The following CNTN3 variants were observed in gnomAD, a reference collection of about 807,000 sequenced individuals.
The protein encoded by CNTN3 is contactin-3.
A neutral mutation model predicts 119.1 loss-of-function variants in CNTN3; 60 were observed. The observed-to-expected ratio is 0.50, with a 90% CI of 0.41 to 0.62. CNTN3 has a LOEUF of 0.62. Ranked by LOEUF, CNTN3 falls within the 20% of genes least tolerant of loss-of-function variation. The pLI is 0.00. For missense variants in CNTN3, 1,101 were observed against 1,242.4 expected, an observed-to-expected ratio of 0.89 and a Z score of 1.71; for synonymous variants, 450 against 438.7, an observed-to-expected ratio of 1.03 and a Z score of -0.32.
rs1294791480 is a variant in CNTN3, at chr3:74,320,674, AAAC to A, written c.1668+14058_1668+14060del. Among the ~76,000 whole-genome samples, 4 of 152,312 alleles carry A rather than the reference AAAC, an allele frequency of 2.6e-5. No homozygotes were observed. The South Asian group carries it at 6.2e-4, about 24-fold the overall frequency. ...TGCAGCTTTTCAAAAAAGTAAACAA[AAAC>A]AACAACAACAAAAAATTCAGACAGA... On this transcript the variant is annotated intron_variant, in intron 13 of 22. Transcript: ENST00000263665.
chr3:74,356,728 T>G (rs925455810), intron 11 of CNTN3, among the ~76,000 whole-genome samples: 4 of 152,116 alleles, frequency 2.6e-5, no homozygotes, highest in Non-Finnish European at 4.4e-5. Flanking sequence ...AAGACCTCTG[T>G]TGGGCAGTAA....
chr3:74,463,995 A>T (rs965767396), intron 4 of CNTN3, among the ~76,000 whole-genome samples: 4 of 152,166 alleles, frequency 2.6e-5, no homozygotes, highest in Non-Finnish European at 4.4e-5. Context: ...ACCCTTTGAC[A>T]ATGTCAGTTG....
intron 1 of CNTN3, among the ~76,000 whole-genome samples, chr3:74,540,875 G>A (rs117740771): frequency 6.6e-6 from 1 of 152,046 alleles, no homozygotes; most frequent in African/African-American, 2.4e-5. Flanking sequence ...TACACAGGCA[G>A]TATATTTAAT....
At chr3:74,403,441 G>C (rs905828379) in intron 5 of CNTN3, among the ~76,000 whole-genome samples, 6 of 152,116 alleles carry the variant, frequency 3.9e-5, no homozygotes, top group Non-Finnish European at 7.4e-5. Flanking sequence ...CAAAGCACTA[G>C]GTGGTTGAGT....
intron 1 of CNTN3, among the ~76,000 whole-genome samples, chr3:74,544,473 G>GA (rs749289610): frequency 7.2e-5 from 11 of 152,064 alleles, no homozygotes; most frequent in Non-Finnish European, 1.5e-4. Flanking sequence ...GTCCCTTGGG[G>GA]CACTTATTTA....
chr3:74,538,826 T>A (rs1411683365), intron 1 of CNTN3, among the ~76,000 whole-genome samples: 1 of 152,058 alleles, frequency 6.6e-6, no homozygotes, highest in African/African-American at 2.4e-5. Flanking sequence ...TTGCTGAAGA[T>A]CTGTAGCCAC....
chr3:74,442,507 T>C (rs564195845), intron 4 of CNTN3, among the ~76,000 whole-genome samples: 1 of 152,326 alleles, frequency 6.6e-6, no homozygotes, highest in South Asian at 2.1e-4. Flanking sequence ...GCACGTTTTT[T>C]GTTTCTTCCT....
At chr3:74,561,047 G>T in intron 1 of CNTN3, among the ~76,000 whole-genome samples, 1 of 86,536 alleles carries the variant, frequency 1.2e-5, no homozygotes, top group Non-Finnish European at 2.1e-5. Context: ...GAGGGGGGAG[G>T]GATAGCATTA....
chr3:74,429,440 GA>G (rs34282771), intron 4 of CNTN3, among the ~76,000 whole-genome samples: 58,407 of 140,752 alleles, frequency 0.41, 11,799 homozygotes, highest in East Asian at 0.61. Context: ...TGGAAGGAGA[GA>G]AAAAAAAAAA....
chr3:74,413,460 A>C (rs1320243092), intron 5 of CNTN3, among the ~76,000 whole-genome samples: 1 of 152,256 alleles, frequency 6.6e-6, no homozygotes, highest in Non-Finnish European at 1.5e-5. Flanking sequence ...GGTTAGGAAA[A>C]AAAGCCATGG....
intron 2 of CNTN3, among the ~76,000 whole-genome samples, chr3:74,513,586 A>C (rs1175368711): frequency 6.6e-6 from 1 of 151,954 alleles, no homozygotes; most frequent in Non-Finnish European, 1.5e-5. Context: ...CCCCATAACT[A>C]GCCCTCAAGA....
chr3:74,596,512 G>A (rs1297578873), intron 1 of CNTN3, among the ~76,000 whole-genome samples: 1 of 152,042 alleles, frequency 6.6e-6, no homozygotes, highest in Non-Finnish European at 1.5e-5. Context: ...CAACAGAACA[G>A]AGCCCTCAGA....
intron 13 of CNTN3, among the ~76,000 whole-genome samples, chr3:74,309,898 T>C (rs1702644230): frequency 6.6e-6 from 1 of 152,230 alleles, no homozygotes; most frequent in Admixed American, 6.5e-5. Context: ...CTCATTTCCT[T>C]GACATGACAT....
At chr3:74,536,568 C>T (rs948410704) in intron 1 of CNTN3, among the ~76,000 whole-genome samples, 6 of 151,994 alleles carry the variant, frequency 3.9e-5, no homozygotes, top group African/African-American at 1.5e-4. Flanking sequence ...GTTGTTTCTT[C>T]GGTACCTAGA....
chr3:74,408,416 C>G (rs554069252), intron 5 of CNTN3, among the ~76,000 whole-genome samples: 39 of 152,200 alleles, frequency 2.6e-4, no homozygotes, highest in Admixed American at 2.1e-3. Flanking sequence ...AAAGGTATCA[C>G]AGAAAAAGAA....
chr3:74,416,323 G>A (rs887178814), intron 5 of CNTN3, among the ~76,000 whole-genome samples: 4 of 152,066 alleles, frequency 2.6e-5, no homozygotes, highest in Non-Finnish European at 4.4e-5. Flanking sequence ...AATTCACATG[G>A]ATTGCCTTCT....
At chr3:74,533,694 G>A (rs1703724220) in intron 1 of CNTN3, among the ~76,000 whole-genome samples, 1 of 151,950 alleles carries the variant, frequency 6.6e-6, no homozygotes, top group African/African-American at 2.4e-5. Flanking sequence ...TTTACCCTAA[G>A]GCTTGGGAAG....
intron 1 of CNTN3, among the ~76,000 whole-genome samples, chr3:74,585,801 T>C (rs1704583473): frequency 6.6e-6 from 1 of 152,172 alleles, no homozygotes; most frequent in Non-Finnish European, 1.5e-5. Context: ...GCTAAAAATG[T>C]ATTTAATGTT....
intron 4 of CNTN3, among the ~76,000 whole-genome samples, chr3:74,453,030 T>C (rs975651299): frequency 6.6e-6 from 1 of 151,798 alleles, no homozygotes; most frequent in Non-Finnish European, 1.5e-5. Flanking sequence ...GCTAGCCTCA[T>C]AAAATGAGTT....
Sources: allele counts gnomAD v4.1 joint callset (sites outside exome capture counted in the v4.1 genomes callset), GRCh38; gene constraint gnomAD v4.1.1; transcripts MANE v1.5; gene names NCBI Gene and HGNC (gene_info 2026-07-23, HGNC 2026-07-21).